Variants in CCS observed in about 807,000 individuals in gnomAD.
The protein encoded by CCS is superoxide dismutase copper chaperone.
In CCS, 32 loss-of-function variants were observed where a neutral mutation model predicts 35.5. The observed-to-expected ratio is 0.90, with a 90% CI of 0.68 to 1.21. The LOEUF is 1.21. Among genes scored for constraint, CCS ranks in the 50% most tolerant of loss-of-function variants. The probability of loss-of-function intolerance (pLI) is 0.00; values close to 1 mark genes in which losing one functional copy is unlikely to be tolerated. For missense variants in CCS, 342 were observed against 375.4 expected, an observed-to-expected ratio of 0.91 and a Z score of 0.73; for synonymous variants, 130 against 147.2, an observed-to-expected ratio of 0.88 and a Z score of 0.84.
At chr11:66,604,851 C>T (rs1255817512) in intron 5 of CCS, among the ~76,000 whole-genome samples, 1 of 152,198 alleles carries the variant, frequency 6.6e-6, no homozygotes, top group African/African-American at 2.4e-5. Flanking sequence ...AGGGAAATGA[C>T]ACTGGCTGCC....
intron 5 of CCS, among the ~76,000 whole-genome samples, chr11:66,603,205 T>G (rs1036463095): frequency 6.6e-6 from 1 of 152,196 alleles, no homozygotes. Context: ...GGAAACAGCC[T>G]GGAAAGGCTG....
intron 4 of CCS, 69 bp downstream of exon 4, chr11:66,599,705 C>T (rs1487957335): frequency 1.4e-6 from 2 of 1,398,028 alleles, no homozygotes; most frequent in Non-Finnish European, 2.0e-6. Context: ...CTCACCAATA[C>T]TCTGTGAGGC....
rs756139724 is a variant in CCS, at chr11:66,605,736, C to G, written c.706C>G (p.Leu236Val). ...ACGIIARSAG[L>V]FQNPKQICSC... is the part of the protein sequence containing the mutation. ...TGGCATCATTGCACGCTCCGCTGGCCTTTTCCAGAACCCCAAGCAGATCTG... is the reference window on the plus strand; with the variant it reads ...TGGCATCATTGCACGCTCCGCTGGCGTTTTCCAGAACCCCAAGCAGATCTG... Residue 236 changes from leucine to valine, a missense_variant, in exon 8 of 8, where the codon CTT becomes GTT. Coordinates refer to ENST00000533244, the MANE Select transcript of CCS (RefSeq NM_005125.2). The G allele has an allele frequency of 1.2e-6, 2 of 1,601,972 alleles. No individual in the cohort carries two copies. The highest frequency in any genetic ancestry group is 1.7e-6 in the Non-Finnish European group (2 of 1,173,852).
In CCS at chr11:66,605,546, C is replaced by G. The variant is rs1565063055; in HGVS notation, c.625C>G (p.Arg209Gly). 6.2e-7 allele frequency: 1 copy of G among 1,614,008 alleles called. No individual in the cohort carries two copies. The highest frequency in any genetic ancestry group is 8.5e-7 in the Non-Finnish European group (1 of 1,179,996). Reference protein sequence around the residue: ...IIDEGEDDLGRGGHPLSKITG... With the variant: ...IIDEGEDDLGGGGHPLSKITG... ...TGATGAGGGAGAAGATGACCTGGGCCGGGGAGGCCATCCCTTATCCAAGAT... is the reference window on the plus strand; with the variant it reads ...TGATGAGGGAGAAGATGACCTGGGCGGGGGAGGCCATCCCTTATCCAAGAT... Residue 209 changes from arginine to glycine, a missense_variant, in exon 7 of 8, where the codon CGG (arginine) becomes GGG (glycine). By Grantham distance (125) the Arg-to-Gly change is moderately radical. Coordinates refer to ENST00000533244, the MANE Select transcript of CCS (RefSeq NM_005125.2).
chr11:66,593,481 G>A, intron 1 of CCS, 161 bp from the exon 2 acceptor site: 1 of 935,278 alleles, frequency 1.1e-6, no homozygotes, highest in Non-Finnish European at 1.6e-6. Flanking sequence ...GACTCCCATG[G>A]TCCTGGAATG....
rs1858489986 is a variant in CCS at position 66,597,133 on chromosome 11, T to C, written c.113-1983T>C. Among the ~76,000 whole-genome samples the C allele has an allele frequency of 2.6e-5, 4 of 152,178 alleles. No homozygotes were observed. The South Asian group carries it at 8.3e-4, about 32-fold the overall frequency. ...TTAGCTCTACTAATGATGGCAATAG[T>C]CCCTGCCTTTTATGTGTGTAATAGC... On this transcript the variant is annotated intron_variant, in intron 2 of 7. Transcript: ENST00000533244.
chr11:66,599,621 C>A lies in CCS; in HGVS notation c.413C>A (p.Thr138Lys). The change falls in exon 4 of 8, where the codon ACA (threonine) becomes AAA (lysine). Residue 138 changes from threonine to lysine, a missense_variant. Coordinates refer to ENST00000533244, the MANE Select transcript of CCS (RefSeq NM_005125.2). ...GLHVHQYGDL[T>K]NNCNSCGNHF... ...CACGTCCATCAGTACGGGGACCTTA[C>A]AAACAACTGCAACAGGTGAGTTGTC... The A allele has an allele frequency of 6.2e-7, 1 of 1,611,006 alleles. No homozygotes were observed. Among genetic ancestry groups the A allele is most frequent in the Non-Finnish European group, 8.5e-7 (1 of 1,179,052 alleles).
rs1226303520 is a variant in CCS, at chr11:66,593,250, A to G, written c.-12A>G. 1.3e-6 allele frequency: 2 copies of G among 1,560,902 alleles called. No individual in the cohort carries two copies. Among genetic ancestry groups the G allele is most frequent in the Non-Finnish European group, 8.7e-7 (1 of 1,153,012 alleles). On this transcript the variant is annotated 5_prime_UTR_variant, in exon 1 of 8. Coordinates refer to ENST00000533244, the MANE Select transcript of CCS (RefSeq NM_005125.2). ...AGGAGTTCTGCGTCTCGGGGTGGTG[A>G]CTGGGTCCAGAATGGCTTCGGATTC...
chr11:66,604,996 T>C (rs964572317), intron 5 of CCS, among the ~76,000 whole-genome samples: 4 of 152,190 alleles, frequency 2.6e-5, no homozygotes, highest in African/African-American at 9.7e-5. Context: ...GGCAATTGCC[T>C]CGCCGGAAAA....
rs1022221670 is a variant in CCS, at chr11:66,594,794, A to C, written c.112+1080A>C. On this transcript the variant is annotated intron_variant, in intron 2 of 7. Transcript: ENST00000533244. ...TCTCTCAAAAAAAAAAAAAAAAAAA[A>C]CAAGTTCACCCAGTCATTCGGCAGG... Among the ~76,000 whole-genome samples, 1,156 of 151,428 alleles carry C rather than the reference A, an allele frequency of 7.6e-3. 16 individuals are homozygous for C. Among genetic ancestry groups the C allele is most frequent in the Non-Finnish European group, 8.3e-3 (562 of 67,828 alleles).
At chr11:66,593,994 C>T (rs1435569416) in intron 2 of CCS, among the ~76,000 whole-genome samples, 1 of 152,154 alleles carries the variant, frequency 6.6e-6, no homozygotes, top group Admixed American at 6.5e-5. Context: ...GGAAAACAGG[C>T]AGTTTTTGCT....
chr11:66,605,261 G>A (rs569684352), intron 5 of CCS, 78 bp from the exon 6 acceptor site: 31 of 1,593,382 alleles, frequency 1.9e-5, no homozygotes, highest in Admixed American at 5.4e-5. Context: ...AAGAGGCGTC[G>A]GAATCAGGAA....
At position 66,605,778 on chromosome 11, in the gene CCS, A is replaced by C; in HGVS notation, c.748A>C (p.Thr250Pro). ...GCAGATCTGCTCTTGCGATGGCCTC[A>C]CCATCTGGGAGGAGCGAGGCCGGCC... is the stretch of plus-strand genomic sequence containing the variant. Reference protein sequence around the residue: ...PKQICSCDGLTIWEERGRPIA... With the variant: ...PKQICSCDGLPIWEERGRPIA... Residue 250 changes from threonine (T) to proline (P), a missense_variant, in exon 8 of 8, where the codon ACC becomes CCC. Transcript: ENST00000533244. The C allele has an allele frequency of 1.2e-6, 2 of 1,607,656 alleles. No homozygotes were observed. Among genetic ancestry groups the C allele is most frequent in the Non-Finnish European group, 1.7e-6 (2 of 1,176,586 alleles).
rs528211009 is a variant in CCS at position 66,599,327 on chromosome 11, T to G, written c.250+74T>G. On this transcript the variant is annotated intron_variant, in intron 3 of 7. Transcript: ENST00000533244. ...AGCTGGTACAAATCTAATCATAGGATTCTCAGGCTCTGGGTTGGAGTGGCT... is the reference window on the plus strand; with the variant it reads ...AGCTGGTACAAATCTAATCATAGGAGTCTCAGGCTCTGGGTTGGAGTGGCT... 11 of 1,512,986 alleles carry G rather than the reference T, an allele frequency of 7.3e-6. No homozygotes were observed. The African/African-American group carries it at 1.1e-4, about 15-fold the overall frequency. 93.7% of individuals were successfully genotyped at this position (1,512,986 alleles called of 1,614,324 possible).
At chr11:66,593,831 G>C in intron 2 of CCS, 117 bp downstream of exon 2, 5 of 934,000 alleles carry the variant, frequency 5.4e-6, no homozygotes, top group Middle Eastern at 2.1e-4. Flanking sequence ...ACCCCAGAGA[G>C]TGAAAGGCAT....
intron 4 of CCS, chr11:66,600,024 A>C (rs1858547354): frequency 5.1e-6 from 1 of 196,698 alleles, no homozygotes; most frequent in African/African-American, 2.4e-5. Context: ...GGAGGCCCGT[A>C]ATCTCCTGAG....
In CCS at chr11:66,599,495, C is replaced by A; in HGVS notation, c.287C>A (p.Pro96His). Residue 96 changes from proline to histidine, a missense_variant, in exon 4 of 8, where the codon CCT becomes CAT. Pro to His is a moderately conservative substitution (Grantham distance 77). Transcript: ENST00000533244. ...GCAGCAGTGGCCATCCTGGGGGGGC[C>A]TGGCACCGTGCAGGGGGTGGTGCGC... is the stretch of plus-strand genomic sequence containing the variant. ...LGAAVAILGG[P>H]GTVQGVVRFL... 6.4e-7 allele frequency: 1 copy of A among 1,557,462 alleles called. No homozygotes were observed. Among genetic ancestry groups the A allele is most frequent in the Non-Finnish European group, 8.7e-7 (1 of 1,155,806 alleles).
At chr11:66,603,920 G>A (rs1392941399) in intron 5 of CCS, among the ~76,000 whole-genome samples, 3 of 151,688 alleles carry the variant, frequency 2.0e-5, no homozygotes, top group Non-Finnish European at 2.9e-5. Flanking sequence ...ACAGCTACTC[G>A]GGAAGCTGAG....
chr11:66,601,144 G>A (rs1218890502), intron 5 of CCS, among the ~76,000 whole-genome samples: 2 of 152,142 alleles, frequency 1.3e-5, no homozygotes, highest in Admixed American at 6.5e-5. Context: ...CCAGGCTAGA[G>A]TGCAATGGCG....
Sources: gnomAD v4.1 joint callset for allele counts (sites outside exome capture counted in the v4.1 genomes callset) on GRCh38, gnomAD v4.1.1 for gene constraint, MANE v1.5 for transcripts, NCBI Gene and HGNC (gene_info 2026-07-23, HGNC 2026-07-21) for gene names.